CHCHD6: variants seen among roughly 807,000 people sequenced by gnomAD.
CHCHD6 encodes MICOS complex subunit MIC25.
Under a neutral mutation model 32.3 loss-of-function variants are expected in CHCHD6, and 28 were observed. That is an observed-to-expected ratio of 0.87 (90% CI 0.64 to 1.19). The LOEUF (loss-of-function observed/expected upper bound fraction) is 1.19, where lower values mean the gene tolerates loss of function less well. Ranked by LOEUF, CHCHD6 falls within the 50% of genes most tolerant of loss-of-function variation. CHCHD6 has a pLI of 0.00. For synonymous variants in CHCHD6, 122 were observed against 117.5 expected (o/e 1.04, Z -0.25); for missense variants, 333 against 307.0 (o/e 1.08, Z -0.63).
At chr3:126,780,939 G>T (rs78709104) in intron 4 of CHCHD6, among the ~76,000 whole-genome samples, 1,814 of 152,216 alleles carry the variant, frequency 0.012, 19 homozygotes, top group Middle Eastern at 0.048. Context: ...TGGTCACAAG[G>T]CATCCAGTCC....
intron 4 of CHCHD6, among the ~76,000 whole-genome samples, chr3:126,830,772 T>C (rs573830616): frequency 6.6e-6 from 1 of 152,314 alleles, no homozygotes; most frequent in South Asian, 2.1e-4. Context: ...ATTCATGTCC[T>C]TTGGTGAAAC....
chr3:126,773,269 T>G (rs931069085), intron 4 of CHCHD6, among the ~76,000 whole-genome samples: 2 of 152,196 alleles, frequency 1.3e-5, no homozygotes, highest in Non-Finnish European at 2.9e-5. Flanking sequence ...ATACCTGCCC[T>G]TTTCCAGCCT....
intron 4 of CHCHD6, among the ~76,000 whole-genome samples, chr3:126,740,251 A>G (rs1055320316): frequency 1.3e-5 from 2 of 152,070 alleles, no homozygotes; most frequent in African/African-American, 4.8e-5. Context: ...GCAGCTGCAG[A>G]CTACTGTTGC....
At chr3:126,765,934 C>T (rs575104003) in intron 4 of CHCHD6, among the ~76,000 whole-genome samples, 217 of 152,306 alleles carry the variant, frequency 1.4e-3, no homozygotes, top group Admixed American at 4.2e-3. Context: ...AAAGGAGGAC[C>T]CGGATGCTTC....
At chr3:126,793,781 A>G (rs1938664146) in intron 4 of CHCHD6, among the ~76,000 whole-genome samples, 1 of 152,182 alleles carries the variant, frequency 6.6e-6, no homozygotes. Flanking sequence ...CAATTGGAGC[A>G]GGTCTCCTGG....
intron 4 of CHCHD6, among the ~76,000 whole-genome samples, chr3:126,743,141 T>A (rs1200596571): frequency 6.6e-6 from 1 of 152,180 alleles, no homozygotes; most frequent in Non-Finnish European, 1.5e-5. Context: ...AAGAAAGCTG[T>A]TACTCTGTGG....
chr3:126,746,275 G>A (rs1435350204), intron 4 of CHCHD6, among the ~76,000 whole-genome samples: 1 of 152,130 alleles, frequency 6.6e-6, no homozygotes, highest in Admixed American at 6.5e-5. Flanking sequence ...TCGCACAGCG[G>A]GCATGGCCTG....
intron 5 of CHCHD6, among the ~76,000 whole-genome samples, chr3:126,912,140 C>A: frequency 6.6e-6 from 1 of 152,138 alleles, no homozygotes; most frequent in East Asian, 1.9e-4. Context: ...AAGTGACTTA[C>A]CCAAAGAACA....
At chr3:126,861,637 A>ACTACCATCACCACCTCCCCCTCCT (rs1248691199) in intron 5 of CHCHD6, among the ~76,000 whole-genome samples, 1 of 141,258 alleles carries the variant, frequency 7.1e-6, no homozygotes, top group Admixed American at 6.9e-5. Context: ...CTCCTCCTCT[A>ACTACCATCACCACCTCCCCCTCCT]CTACCATCAC....
At chr3:126,709,431 A>G (rs982221205) in intron 1 of CHCHD6, among the ~76,000 whole-genome samples, 24 of 152,248 alleles carry the variant, frequency 1.6e-4, no homozygotes, top group African/African-American at 5.5e-4. Flanking sequence ...TAACGCTGCT[A>G]TGAACATTTA....
chr3:126,914,992 C>T (rs1040654164), intron 6 of CHCHD6, among the ~76,000 whole-genome samples: 2 of 152,234 alleles, frequency 1.3e-5, no homozygotes, highest in African/African-American at 4.8e-5. Context: ...GGTAGACTTG[C>T]AGAGTTATTT....
At chr3:126,815,094 T>C (rs1939821636) in intron 4 of CHCHD6, among the ~76,000 whole-genome samples, 2 of 152,198 alleles carry the variant, frequency 1.3e-5, no homozygotes, top group African/African-American at 2.4e-5. Flanking sequence ...GAAAAATGAT[T>C]TGAGTTTTTC....
chr3:126,762,019 G>A (rs549648437), intron 4 of CHCHD6, among the ~76,000 whole-genome samples: 2 of 152,066 alleles, frequency 1.3e-5, no homozygotes, highest in South Asian at 4.2e-4. Flanking sequence ...CTTATTTTAG[G>A]TATTTGTATT....
intron 4 of CHCHD6, among the ~76,000 whole-genome samples, chr3:126,764,364 G>T (rs902276680): frequency 6.6e-6 from 1 of 152,040 alleles, no homozygotes; most frequent in Non-Finnish European, 1.5e-5. Context: ...TGCCCACGGG[G>T]TCAGCACCAA....
At chr3:126,708,884 C>T (rs1934625838) in intron 1 of CHCHD6, among the ~76,000 whole-genome samples, 1 of 152,150 alleles carries the variant, frequency 6.6e-6, no homozygotes, top group Non-Finnish European at 1.5e-5. Context: ...AATTTACCTT[C>T]TCTGGACATT....
At chr3:126,900,155 C>T (rs932546182) in intron 5 of CHCHD6, among the ~76,000 whole-genome samples, 2 of 152,166 alleles carry the variant, frequency 1.3e-5, no homozygotes, top group Non-Finnish European at 2.9e-5. Context: ...ATGGAAAAGA[C>T]GTTGGGAGTT....
chr3:126,862,009 TCCC>T (rs199593630), intron 5 of CHCHD6, among the ~76,000 whole-genome samples: 1 of 3,470 alleles, frequency 2.9e-4, no homozygotes, highest in Non-Finnish European at 5.4e-4. Flanking sequence ...CATCACCACC[TCCC>T]CCTCCTCCAC....
chr3:126,777,280 A>T (rs1449062891), intron 4 of CHCHD6, among the ~76,000 whole-genome samples: 1 of 152,210 alleles, frequency 6.6e-6, no homozygotes, highest in Non-Finnish European at 1.5e-5. Flanking sequence ...ACCCAGGCAT[A>T]CATTTTAGGA....
At chr3:126,948,289 C>T (rs1357665038) in intron 6 of CHCHD6, among the ~76,000 whole-genome samples, 5 of 152,220 alleles carry the variant, frequency 3.3e-5, no homozygotes, top group Non-Finnish European at 7.3e-5. Flanking sequence ...GTTGGTGGTC[C>T]AGTCTCGCCC....
Sources: gnomAD v4.1 joint callset for allele counts (sites outside exome capture counted in the v4.1 genomes callset) on GRCh38, gnomAD v4.1.1 for gene constraint, MANE v1.5 for transcripts, NCBI Gene and HGNC (gene_info 2026-07-23, HGNC 2026-07-21) for gene names.